PTPRO: variants seen among roughly 807,000 people sequenced by gnomAD.
PTPRO encodes the protein protein tyrosine phosphatase receptor type O.
Under a neutral mutation model 145.2 loss-of-function variants are expected in PTPRO, and 62 were observed. That is an observed-to-expected ratio of 0.43 (90% CI 0.35 to 0.53). PTPRO has a LOEUF of 0.53. Among genes scored for constraint, PTPRO ranks in the 20% least tolerant of loss-of-function variants. The probability of loss-of-function intolerance (pLI) is 0.01; values close to 1 mark genes in which losing one functional copy is unlikely to be tolerated. For missense variants in PTPRO, 1,345 were observed against 1,482.7 expected (o/e 0.91, Z 1.53); for synonymous variants, 565 against 514.7 (o/e 1.10, Z -1.32).
At chr12:15,435,381 G>T (rs1011848574) in intron 1 of PTPRO, among the ~76,000 whole-genome samples, 1 of 152,082 alleles carries the variant, frequency 6.6e-6, no homozygotes, top group African/African-American at 2.4e-5. Context: ...GAACTGACAT[G>T]ATATCAGTCA....
chr12:15,518,538 C>T (rs907453246), intron 9 of PTPRO, among the ~76,000 whole-genome samples: 1 of 152,206 alleles, frequency 6.6e-6, no homozygotes, highest in Non-Finnish European at 1.5e-5. Flanking sequence ...ATTTTCTTTT[C>T]TATCACATTG....
chr12:15,525,142 G>A (rs889423709), intron 11 of PTPRO, among the ~76,000 whole-genome samples, 177 bp downstream of exon 11: 3 of 152,106 alleles, frequency 2.0e-5, no homozygotes, highest in Non-Finnish European at 2.9e-5. Context: ...AGAGCTTACC[G>A]TTTAATCTTT....
chr12:15,471,248 C>T (rs945012181), intron 1 of PTPRO, among the ~76,000 whole-genome samples: 5 of 151,968 alleles, frequency 3.3e-5, no homozygotes, highest in East Asian at 3.9e-4. Flanking sequence ...GATTTGGTGT[C>T]GCATGCCTGT....
At chr12:15,389,813 G>A (rs1256267907) in intron 1 of PTPRO, among the ~76,000 whole-genome samples, 2 of 152,082 alleles carry the variant, frequency 1.3e-5, no homozygotes, top group Non-Finnish European at 1.5e-5. Flanking sequence ...AGTTACCCTG[G>A]CTCAAGAAAT....
intron 1 of PTPRO, among the ~76,000 whole-genome samples, chr12:15,469,994 AC>A (rs1307070668): frequency 6.6e-6 from 1 of 152,196 alleles, no homozygotes; most frequent in Non-Finnish European, 1.5e-5. Context: ...ACCTTAAATA[AC>A]TGAGGTTCAA....
At chr12:15,345,481 C>A (rs2136222829) in intron 1 of PTPRO, among the ~76,000 whole-genome samples, 1 of 152,168 alleles carries the variant, frequency 6.6e-6, no homozygotes, top group South Asian at 2.1e-4. Flanking sequence ...AGCTGGAAAC[C>A]ATCATTCTCA....
At chr12:15,364,133 G>A (rs1366688566) in intron 1 of PTPRO, among the ~76,000 whole-genome samples, 1 of 152,066 alleles carries the variant, frequency 6.6e-6, no homozygotes, top group Non-Finnish European at 1.5e-5. Flanking sequence ...AATCACAGAG[G>A]GTCTAGGAAT....
At chr12:15,567,255 TC>T (rs1166287441) in intron 18 of PTPRO, among the ~76,000 whole-genome samples, 18 of 152,232 alleles carry the variant, frequency 1.2e-4, no homozygotes, top group Admixed American at 1.0e-3. Flanking sequence ...GGCTTTCCTC[TC>T]ACCTTTTTAT....
chr12:15,564,969 G>A (rs150942798), intron 17 of PTPRO, among the ~76,000 whole-genome samples: 2 of 152,258 alleles, frequency 1.3e-5, no homozygotes, highest in Admixed American at 1.3e-4. Flanking sequence ...GCATGCATTA[G>A]CATTTCCTGT....
intron 1 of PTPRO, among the ~76,000 whole-genome samples, chr12:15,440,714 G>A (rs888566225): frequency 6.6e-6 from 1 of 152,062 alleles, no homozygotes; most frequent in Non-Finnish European, 1.5e-5. Flanking sequence ...AAACAAAAAA[G>A]CAGGGGTCAC....
intron 1 of PTPRO, among the ~76,000 whole-genome samples, chr12:15,428,610 A>G (rs1940348666): frequency 6.6e-6 from 1 of 152,182 alleles, no homozygotes; most frequent in Non-Finnish European, 1.5e-5. Context: ...AAGATGGAAA[A>G]TTATGATTAG....
chr12:15,359,389 T>A (rs1938101535), intron 1 of PTPRO, among the ~76,000 whole-genome samples: 1 of 151,664 alleles, frequency 6.6e-6, no homozygotes, highest in Admixed American at 6.6e-5. Flanking sequence ...GTTTGTTTAC[T>A]CTTGTGCATT....
chr12:15,530,991 AG>A (rs1420540067), intron 12 of PTPRO, among the ~76,000 whole-genome samples: 3 of 152,124 alleles, frequency 2.0e-5, no homozygotes, highest in African/African-American at 7.2e-5. Context: ...TGAGAAAAAA[AG>A]AGAGAAGACC....
At chr12:15,396,304 A>G (rs1939337693) in intron 1 of PTPRO, among the ~76,000 whole-genome samples, 1 of 152,170 alleles carries the variant, frequency 6.6e-6, no homozygotes, top group South Asian at 2.1e-4. Flanking sequence ...GCTGAACTCA[A>G]TTGTGTTGCA....
In PTPRO at chr12:15,589,418, C is replaced by T. The variant is rs1351624930; in HGVS notation, c.3411-37C>T. 2.5e-6 allele frequency: 4 copies of T among 1,612,752 alleles called. No individual in the cohort carries two copies. In the African/African-American group the frequency reaches 5.4e-5, roughly 22 times the overall value. On this transcript the variant is annotated intron_variant, in intron 24 of 26. Coordinates refer to ENST00000281171, the MANE Select transcript of PTPRO (RefSeq NM_030667.3). ...GAGGGGGGAGAAAAAAAAGAAGCAC[C>T]ATCTGAATAATATGCCATCGGAACA...
chr12:15,557,432 A>G lies in PTPRO; in HGVS notation c.2559-23A>G, dbSNP rs773732154. 6.8e-6 allele frequency: 11 copies of G among 1,606,894 alleles called. No individual in the cohort carries two copies. The Admixed American group carries it at 1.7e-4, about 24-fold the overall frequency. On this transcript the variant is annotated intron_variant, in intron 15 of 26. Coordinates refer to ENST00000281171, the MANE Select transcript of PTPRO (RefSeq NM_030667.3). ...AATGCTTTGTCAAGCAGTAACCTTG[A>G]TTTTGTGGTTCCTTTAAAACAGGGA...
intron 17 of PTPRO, 81 bp downstream of exon 17, chr12:15,560,357 T>C (rs1429052554): frequency 9.0e-7 from 1 of 1,109,278 alleles, no homozygotes; most frequent in African/African-American, 1.5e-5. Context: ...AAAGTTTCTT[T>C]TTAACTATTT....
At chr12:15,556,766 G>A (rs1943638249) in intron 15 of PTPRO, among the ~76,000 whole-genome samples, 2 of 152,230 alleles carry the variant, frequency 1.3e-5, no homozygotes, top group East Asian at 1.9e-4. Flanking sequence ...GCTAAAGATG[G>A]AAAATGCTCA....
chr12:15,384,908 C>T (rs577808950), intron 1 of PTPRO, among the ~76,000 whole-genome samples: 14 of 152,154 alleles, frequency 9.2e-5, no homozygotes, highest in South Asian at 6.2e-4. Flanking sequence ...TATTAATGAA[C>T]GCTGAAAGCA....
Sources: gnomAD v4.1 joint callset for allele counts (sites outside exome capture counted in the v4.1 genomes callset) on GRCh38, gnomAD v4.1.1 for gene constraint, MANE v1.5 for transcripts, NCBI Gene and HGNC (gene_info 2026-07-23, HGNC 2026-07-21) for gene names.